The following DYNC1H1 variants were observed in gnomAD, a reference collection of about 807,000 sequenced individuals.
DYNC1H1 encodes the protein dynein cytoplasmic 1 heavy chain 1.
DYNC1H1 carries 51 observed loss-of-function variants against 527.1 expected under a neutral mutation model. That is an observed-to-expected ratio of 0.10 (90% CI 0.08 to 0.12). The LOEUF (loss-of-function observed/expected upper bound fraction) is 0.12. DYNC1H1 is among the 10% of genes least tolerant of loss of function. The pLI, the probability that DYNC1H1 is intolerant of heterozygous loss-of-function variation, is 1.00. For missense variants in DYNC1H1, 2,771 were observed against 5,971.8 expected, an observed-to-expected ratio of 0.46 and a Z score of 17.66; for synonymous variants, 2,189 against 2,278.8, an observed-to-expected ratio of 0.96 and a Z score of 1.12.
Position 102,038,915 on chromosome 14 carries a change from A to G in DYNC1H1, c.11206+67A>G. On this transcript the variant is annotated intron_variant, in intron 59 of 77. Coordinates refer to ENST00000360184, the MANE Select transcript of DYNC1H1 (RefSeq NM_001376.5). The surrounding 1 kb of genome is among the most constrained non-coding windows in gnomAD (Gnocchi z 7.2). ...GAAGGGGCTGAACTTTTAAGTGACT[A>G]GGATGTTCCACGTTTGTGGCAAACA... 6.2e-7 allele frequency: 1 copy of G among 1,612,928 alleles called. No homozygotes were observed. Among genetic ancestry groups the G allele is most frequent in the South Asian group, 1.1e-5 (1 of 90,900 alleles).
intron 16 of DYNC1H1, among the ~76,000 whole-genome samples, chr14:101,998,975 G>A (rs777929823): frequency 6.9e-6 from 1 of 144,682 alleles, no homozygotes; most frequent in Admixed American, 7.2e-5. Context: ...TCTGCCTCCT[G>A]GCTTCATGCC....
chr14:101,985,585 A>G lies in DYNC1H1; in HGVS notation c.1462-102A>G, dbSNP rs1412946773. 2.2e-6 allele frequency: 3 copies of G among 1,345,144 alleles called. No homozygotes were observed. The highest frequency in any genetic ancestry group is 3.2e-6 in the Non-Finnish European group (3 of 947,774). 83.3% of individuals were successfully genotyped at this position (1,345,144 alleles called of 1,614,324 possible). A position where few individuals can be genotyped will look rare whatever the true frequency, so the allele number is the denominator to read the frequency against. Reference sequence around the variant, plus strand: ...ATGATCCGCCTGCCTTGGCCTCCCAAAGTGCTGGGATTACAGGTGTGAGCC... The same window carrying G: ...ATGATCCGCCTGCCTTGGCCTCCCAGAGTGCTGGGATTACAGGTGTGAGCC... On this transcript the variant is annotated intron_variant, in intron 7 of 77. Transcript: ENST00000360184. The surrounding 1 kb of genome is among the most constrained non-coding windows in gnomAD (Gnocchi z 5.9).
chr14:101,999,960 C>G (rs2048111352), intron 16 of DYNC1H1, 29 bp from the exon 17 acceptor site: 3 of 1,613,962 alleles, frequency 1.9e-6, no homozygotes, highest in Non-Finnish European at 2.5e-6. Context: ...ACATTGTGCT[C>G]CAATTCTCTG....
intron 29 of DYNC1H1, 190 bp from the exon 30 acceptor site, chr14:102,009,653 G>A: frequency 5.1e-6 from 4 of 789,734 alleles, no homozygotes; most frequent in Non-Finnish European, 7.9e-6. Flanking sequence ...CATGGGAATG[G>A]GTCCACCTGG....
chr14:102,029,716 C>A lies in DYNC1H1; in HGVS notation c.9642+4C>A, dbSNP rs773101138. Reference sequence around the variant, plus strand: ...GATCAAAGAGACAGTCGACCAGGTGCGTCACAGGCACAAATTCCTCACGGG... The same window carrying A: ...GATCAAAGAGACAGTCGACCAGGTGAGTCACAGGCACAAATTCCTCACGGG... On this transcript the variant is annotated splice_donor_region_variant and intron_variant, in intron 49 of 77. Coordinates refer to ENST00000360184, the MANE Select transcript of DYNC1H1 (RefSeq NM_001376.5). The surrounding 1 kb of genome is among the most constrained non-coding windows in gnomAD (Gnocchi z 5.3). 1.9e-6 allele frequency: 3 copies of A among 1,614,048 alleles called. No homozygotes were observed. Among genetic ancestry groups the A allele is most frequent in the African/African-American group, 1.3e-5 (1 of 74,912 alleles).
Position 101,986,576 on chromosome 14 carries a change from G to A in DYNC1H1, c.2351G>A (p.Ser784Asn), listed in dbSNP as rs1383023254. 2.5e-6 allele frequency: 4 copies of A among 1,614,126 alleles called. No homozygotes were observed. The Admixed American group carries it at 5.0e-5, about 20-fold the overall frequency. The change falls in exon 8 of 78, where the codon AGC becomes AAC. Residue 784 changes from serine to asparagine, a missense_variant. By Grantham distance (46) the Ser-to-Asn change is conservative. Coordinates refer to ENST00000360184, the MANE Select transcript of DYNC1H1 (RefSeq NM_001376.5). This position sits in a 1 kb window ranked among gnomAD's most constrained non-coding sequence, Gnocchi z 8.7. ...CCGTTTGCCATCTCACTGATCGAGA[G>A]CGTTCGTACCTATGAACGGACCTGC... ...LYPFAISLIE[S>N]VRTYERTCEK...
intron 51 of DYNC1H1, 119 bp from the exon 52 acceptor site, chr14:102,032,153 A>C: frequency 3.4e-6 from 4 of 1,183,200 alleles, no homozygotes; most frequent in Non-Finnish European, 5.0e-6. Context: ...TCTTCTAAGC[A>C]GCTAGCTGTC....
At position 102,042,133 on chromosome 14, in the gene DYNC1H1, G is replaced by T; in HGVS notation, c.12214+9G>T. On this transcript the variant is annotated intron_variant, in intron 66 of 77. Transcript: ENST00000360184. The surrounding 1 kb of genome is among the most constrained non-coding windows in gnomAD (Gnocchi z 5.7). ...CACTTCAATTGCAATCGGTAAGGATGCTTGAGGGGCTTCATGGGCTGGAGC... is the reference window on the plus strand; with the variant it reads ...CACTTCAATTGCAATCGGTAAGGATTCTTGAGGGGCTTCATGGGCTGGAGC... The T allele has an allele frequency of 6.2e-7, 1 of 1,614,116 alleles. No individual in the cohort carries two copies. The highest frequency in any genetic ancestry group is 8.5e-7 in the Non-Finnish European group (1 of 1,180,032).
chr14:102,036,385 A>C lies in DYNC1H1; in HGVS notation c.10755-104A>C. 5 of 1,503,704 alleles carry C rather than the reference A, an allele frequency of 3.3e-6. No homozygotes were observed. The highest frequency in any genetic ancestry group is 4.6e-6 in the Non-Finnish European group (5 of 1,086,516). The allele number at this position is 1,503,704 out of a possible 1,614,324, so 93.1% of individuals were successfully genotyped here. A position where few individuals can be genotyped will look rare whatever the true frequency, so the allele number is the denominator to read the frequency against. The stretch of plus-strand genomic sequence containing the variant: ...CCGGAAACCACTCTCGGGTGGTGGT[A>C]ACAGCCTATCAATCAGGGTCTCTCA... On this transcript the variant is annotated intron_variant, in intron 56 of 77. Transcript: ENST00000360184. This position sits in a 1 kb window ranked among gnomAD's most constrained non-coding sequence, Gnocchi z 5.6.
chr14:101,994,744 C>A lies in DYNC1H1; in HGVS notation c.3228C>A (p.Leu1076=). The A allele has an allele frequency of 1.2e-6, 2 of 1,614,160 alleles. No homozygotes were observed. The highest frequency in any genetic ancestry group is 1.7e-6 in the Non-Finnish European group (2 of 1,180,042). Residue 1076 remains leucine (L), a synonymous_variant, in exon 13 of 78, where the codon CTC becomes CTA. Transcript: ENST00000360184. The part of the protein sequence containing the change: ...ENIYNRLGED[L]NKWQALLVQI... ...TCTATAACAGACTTGGAGAAGATCT[C>A]AACAAATGGCAGGCTCTCCTGGTCC...
chr14:101,975,846 G>A (rs2047793951), intron 2 of DYNC1H1, 47 bp downstream of exon 2: 2 of 1,344,688 alleles, frequency 1.5e-6, no homozygotes, highest in South Asian at 1.2e-5. Flanking sequence ...AAATTTGTGA[G>A]AATTAATATG....
In DYNC1H1 at chr14:102,050,795, C is replaced by T. The variant is rs17512996; in HGVS notation, c.*232C>T. Reference sequence around the variant, plus strand: ...AGGAAATAAAACACTAAGCATGAGCCGGCTCCGCCTCTTCTGTCTCCGCTT... The same window carrying T: ...AGGAAATAAAACACTAAGCATGAGCTGGCTCCGCCTCTTCTGTCTCCGCTT... On this transcript the variant is annotated 3_prime_UTR_variant, in exon 78 of 78. Coordinates refer to ENST00000360184, the MANE Select transcript of DYNC1H1 (RefSeq NM_001376.5). The T allele has an allele frequency of 0.036, 20,319 of 562,330 alleles. 444 individuals are homozygous for T. Among genetic ancestry groups the T allele is most frequent in the Middle Eastern group, 0.08 (152 of 1,904 alleles). 34.8% of individuals were successfully genotyped at this position (562,330 alleles called of 1,614,324 possible).
At chr14:102,045,097 T>C in intron 72 of DYNC1H1, 1 of 255,392 alleles carries the variant, frequency 3.9e-6, no homozygotes, top group Non-Finnish European at 7.7e-6. Flanking sequence ...GAGGTTAGGA[T>C]TTCCAGACCA....
chr14:102,030,431 TC>T, intron 51 of DYNC1H1, 149 bp downstream of exon 51: 1 of 1,181,034 alleles, frequency 8.5e-7, no homozygotes. Context: ...TGAAGCTTTT[TC>T]TGAATGCTTG....
At chr14:101,990,442 G>C (rs150254680) in intron 10 of DYNC1H1, among the ~76,000 whole-genome samples, 1 of 152,188 alleles carries the variant, frequency 6.6e-6, no homozygotes, top group Non-Finnish European at 1.5e-5. Flanking sequence ...CCTGCTGTCT[G>C]ACTTATGTTC....
chr14:102,033,971 T>G lies in DYNC1H1; in HGVS notation c.10414-5T>G, dbSNP rs1479035736. 3 of 1,613,606 alleles carry G rather than the reference T, an allele frequency of 1.9e-6. No individual in the cohort carries two copies. The highest frequency in any genetic ancestry group is 1.3e-5 in the African/African-American group (1 of 74,934). ...CCTGAGCATCTTGTTCGGTTTTCCT[T>G]TTAGGTAAACCGGAGCACTGCTCTT... On this transcript the variant is annotated splice_polypyrimidine_tract_variant and splice_region_variant and intron_variant, in intron 54 of 77. Transcript: ENST00000360184. The surrounding 1 kb of genome is among the most constrained non-coding windows in gnomAD (Gnocchi z 5.6).
At position 102,002,107 on chromosome 14, in the gene DYNC1H1, TG is replaced by T. The variant is rs1372169134; in HGVS notation, c.4542+427del. Among the ~76,000 whole-genome samples the T allele has an allele frequency of 6.6e-6, 1 of 151,364 alleles. No homozygotes were observed. The highest frequency in any genetic ancestry group is 1.5e-5 in the Non-Finnish European group (1 of 67,840). The stretch of plus-strand genomic sequence containing the variant: ...TTTTTTGTTTGTTTGCTTGCTTTTT[TG>T]TTTTTTTTTTTTCTTTTTTTGAGAT... On this transcript the variant is annotated intron_variant, in intron 21 of 77. Transcript: ENST00000360184. This position sits in a 1 kb window ranked among gnomAD's most constrained non-coding sequence, Gnocchi z 4.4.
chr14:101,982,352 G>C (rs1184950339), intron 5 of DYNC1H1, among the ~76,000 whole-genome samples: 1 of 152,108 alleles, frequency 6.6e-6, no homozygotes, highest in Non-Finnish European at 1.5e-5. Context: ...CTAGCACTTT[G>C]GGAGGCCTAG....
At position 102,042,839 on chromosome 14, in the gene DYNC1H1, G is replaced by T; in HGVS notation, c.12513+91G>T. The T allele has an allele frequency of 1.4e-6, 2 of 1,428,672 alleles. No homozygotes were observed. The highest frequency in any genetic ancestry group is 1.9e-6 in the Non-Finnish European group (2 of 1,031,116). 88.5% of individuals were successfully genotyped at this position (1,428,672 alleles called of 1,614,324 possible). Reference sequence around the variant, plus strand: ...GCAGAAGTGGGTCCCTGGGCCCCCGGAAGTGCCGTGTGGTGAACTGCACAG... The same window carrying T: ...GCAGAAGTGGGTCCCTGGGCCCCCGTAAGTGCCGTGTGGTGAACTGCACAG... On this transcript the variant is annotated intron_variant, in intron 69 of 77. Transcript: ENST00000360184. The surrounding 1 kb of genome is among the most constrained non-coding windows in gnomAD (Gnocchi z 5.7).
Sources: allele counts gnomAD v4.1 joint callset (sites outside exome capture counted in the v4.1 genomes callset), GRCh38; gene constraint gnomAD v4.1.1; non-coding constraint Gnocchi (gnomAD v3.1); transcripts MANE v1.5; gene names NCBI Gene and HGNC (gene_info 2026-07-23, HGNC 2026-07-21).